The following CNTNAP5 variants were observed in gnomAD, a reference collection of about 807,000 sequenced individuals.
CNTNAP5 encodes the protein contactin associated protein family member 5, also known as contactin-associated protein-like 5.
CNTNAP5 carries 72 observed loss-of-function variants against 150.2 expected under a neutral mutation model. That is an observed-to-expected ratio of 0.48 (90% CI 0.40 to 0.58). The LOEUF is 0.58. Among genes scored for constraint, CNTNAP5 ranks in the 20% least tolerant of loss-of-function variants. CNTNAP5 has a pLI of 0.00. For missense variants in CNTNAP5, 1,636 were observed against 1,626.2 expected (o/e 1.01, Z -0.10); for synonymous variants, 672 against 619.8 (o/e 1.08, Z -1.25).
intron 1 of CNTNAP5, among the ~76,000 whole-genome samples, chr2:124,220,738 C>T (rs1686285484): frequency 6.6e-6 from 1 of 152,074 alleles, no homozygotes; most frequent in Non-Finnish European, 1.5e-5. Context: ...GAACCCACTC[C>T]TGAAAGCTTT....
chr2:124,265,533 T>C (rs1436930808), intron 3 of CNTNAP5, among the ~76,000 whole-genome samples: 1 of 152,180 alleles, frequency 6.6e-6, no homozygotes, highest in Non-Finnish European at 1.5e-5. Flanking sequence ...AAGGATGCTT[T>C]GTGCCTGTGC....
chr2:124,195,679 T>C (rs1218948575), intron 1 of CNTNAP5, among the ~76,000 whole-genome samples: 1 of 152,092 alleles, frequency 6.6e-6, no homozygotes, highest in Admixed American at 6.5e-5. Flanking sequence ...CACATAATCA[T>C]ATAAGAATGA....
intron 22 of CNTNAP5, among the ~76,000 whole-genome samples, chr2:124,903,302 T>A (rs1573700598): frequency 6.6e-6 from 1 of 152,152 alleles, no homozygotes; most frequent in Non-Finnish European, 1.5e-5. Context: ...TGATGAGTAA[T>A]TAAAACTAAA....
At chr2:124,688,380 GA>G (rs2105076408) in intron 13 of CNTNAP5, among the ~76,000 whole-genome samples, 1 of 152,112 alleles carries the variant, frequency 6.6e-6, no homozygotes, top group South Asian at 2.1e-4. Context: ...TATTTGCTGG[GA>G]TGTTTCCATA....
chr2:124,448,594 T>C (rs1207936943), intron 6 of CNTNAP5, among the ~76,000 whole-genome samples: 1 of 152,186 alleles, frequency 6.6e-6, no homozygotes, highest in Non-Finnish European at 1.5e-5. Flanking sequence ...TATTGTTTTG[T>C]GCATTGTCTA....
intron 1 of CNTNAP5, among the ~76,000 whole-genome samples, chr2:124,039,424 G>T (rs903054943): frequency 2.0e-5 from 3 of 152,190 alleles, no homozygotes; most frequent in Admixed American, 2.0e-4. Context: ...AAACCCCTGA[G>T]TGTTGGCTTA....
chr2:124,878,830 G>A (rs57739823), intron 21 of CNTNAP5, among the ~76,000 whole-genome samples: 5,595 of 151,144 alleles, frequency 0.037, 334 homozygotes, highest in African/African-American at 0.13. Context: ...TTACAGGTGT[G>A]TGCCACCTCG....
At chr2:124,720,774 T>C (rs149737830) in intron 13 of CNTNAP5, among the ~76,000 whole-genome samples, 1 of 152,322 alleles carries the variant, frequency 6.6e-6, no homozygotes, top group African/African-American at 2.4e-5. Context: ...AAATTTAAAA[T>C]GACAAATTGA....
intron 3 of CNTNAP5, among the ~76,000 whole-genome samples, chr2:124,387,395 A>T (rs936518627): frequency 1.5e-4 from 23 of 152,252 alleles, no homozygotes; most frequent in African/African-American, 5.3e-4. Flanking sequence ...ACTACCAAAC[A>T]GGCTTTGTGT....
intron 1 of CNTNAP5, among the ~76,000 whole-genome samples, chr2:124,145,842 A>AT (rs1684237416): frequency 2.7e-5 from 4 of 146,324 alleles, no homozygotes; most frequent in African/African-American, 1.0e-4. Context: ...GAAAAAAAAA[A>AT]AAAATAAAAT....
intron 17 of CNTNAP5, among the ~76,000 whole-genome samples, chr2:124,780,791 C>T (rs1013139469): frequency 6.6e-5 from 10 of 152,194 alleles, no homozygotes; most frequent in African/African-American, 2.4e-4. Context: ...GCTGACCACA[C>T]TCCTAACACA....
chr2:124,484,064 G>A (rs1333463424), intron 7 of CNTNAP5, among the ~76,000 whole-genome samples: 1 of 152,162 alleles, frequency 6.6e-6, no homozygotes, highest in Admixed American at 6.5e-5. Flanking sequence ...TGTGGATCCC[G>A]ACACTACTTC....
chr2:124,135,087 GC>G (rs745356698), intron 1 of CNTNAP5: 1 of 152,106 alleles, frequency 6.6e-6, no homozygotes, highest in African/African-American at 2.4e-5. Context: ...TAATAGAATG[GC>G]AAGAAGAACA....
At chr2:124,654,916 G>T (rs1678408323) in intron 13 of CNTNAP5, among the ~76,000 whole-genome samples, 2 of 150,880 alleles carry the variant, frequency 1.3e-5, no homozygotes, top group Admixed American at 1.3e-4. Flanking sequence ...GGTAGTATTT[G>T]ACTTTTTTTT....
At chr2:124,384,901 A>C (rs1690889903) in intron 3 of CNTNAP5, among the ~76,000 whole-genome samples, 1 of 151,826 alleles carries the variant, frequency 6.6e-6, no homozygotes, top group South Asian at 2.1e-4. Context: ...CCACAATTCC[A>C]CTCCTGACAA....
chr2:124,897,977 G>GTGTGTGTT (rs1168006416), intron 21 of CNTNAP5, among the ~76,000 whole-genome samples: 4 of 137,744 alleles, frequency 2.9e-5, no homozygotes, highest in African/African-American at 1.1e-4. Context: ...GTGTGTGTGT[G>GTGTGTGTT]TATGTGTGTG....
At chr2:124,817,188 T>A (rs1682382480) in intron 19 of CNTNAP5, among the ~76,000 whole-genome samples, 1 of 152,214 alleles carries the variant, frequency 6.6e-6, no homozygotes, top group South Asian at 2.1e-4. Flanking sequence ...TACATTCATT[T>A]TATATAAATT....
At chr2:124,835,902 T>C (rs1172389853) in intron 19 of CNTNAP5, among the ~76,000 whole-genome samples, 1 of 152,072 alleles carries the variant, frequency 6.6e-6, no homozygotes, top group Non-Finnish European at 1.5e-5. Flanking sequence ...TTGTCCTAGA[T>C]CACACATACT....
chr2:124,070,029 G>T (rs985805370), intron 1 of CNTNAP5, among the ~76,000 whole-genome samples: 6 of 151,964 alleles, frequency 3.9e-5, no homozygotes, highest in Admixed American at 3.9e-4. Context: ...ACAATAAAAA[G>T]TTAAAAAGTG....
Sources: allele counts gnomAD v4.1 joint callset (sites outside exome capture counted in the v4.1 genomes callset), GRCh38; gene constraint gnomAD v4.1.1; transcripts MANE v1.5; gene names NCBI Gene and HGNC (gene_info 2026-07-23, HGNC 2026-07-21).